ST18: variants seen among roughly 807,000 people sequenced by gnomAD.
ST18 encodes the protein ST18 C2H2C-type zinc finger transcription factor, also known as suppression of tumorigenicity 18 protein.
In ST18, 50 loss-of-function variants were observed where a neutral mutation model predicts 110.0. That is an observed-to-expected ratio of 0.45 (90% CI 0.36 to 0.58). The LOEUF (loss-of-function observed/expected upper bound fraction) is 0.58. ST18 is among the 20% of genes least tolerant of loss of function. The probability of loss-of-function intolerance (pLI) is 0.00; values close to 1 mark genes in which losing one functional copy is unlikely to be tolerated. For synonymous variants in ST18, 461 were observed against 452.4 expected, an observed-to-expected ratio of 1.02 and a Z score of -0.24; for missense variants, 1,306 against 1,280.1, an observed-to-expected ratio of 1.02 and a Z score of -0.31.
chr8:52,380,784 G>A (rs1013706856), intron 2 of ST18, among the ~76,000 whole-genome samples: 4 of 152,086 alleles, frequency 2.6e-5, no homozygotes, highest in Non-Finnish European at 4.4e-5. Context: ...AGACCCTAAC[G>A]TTGTGGTTTT....
chr8:52,397,109 T>C (rs1182070530), intron 2 of ST18, among the ~76,000 whole-genome samples: 1 of 152,214 alleles, frequency 6.6e-6, no homozygotes, highest in Non-Finnish European at 1.5e-5. Flanking sequence ...AACAGTGTAC[T>C]GTGGTTCCCT....
At chr8:52,393,160 T>C (rs1182212833) in intron 2 of ST18, among the ~76,000 whole-genome samples, 2 of 152,168 alleles carry the variant, frequency 1.3e-5, no homozygotes, top group Admixed American at 1.3e-4. Context: ...AACCCCACTT[T>C]CTGCTTACTC....
chr8:52,133,741 G>A (rs980017611), intron 19 of ST18, among the ~76,000 whole-genome samples: 4 of 142,074 alleles, frequency 2.8e-5, no homozygotes, highest in African/African-American at 1.2e-4. Flanking sequence ...TATTATTATT[G>A]TTATTATTGA....
At chr8:52,194,155 T>C (rs922291388) in intron 8 of ST18, among the ~76,000 whole-genome samples, 1 of 152,098 alleles carries the variant, frequency 6.6e-6, no homozygotes, top group South Asian at 2.1e-4. Flanking sequence ...ATTTTTTTCA[T>C]AAAATAACCA....
rs536342308 is a variant in ST18, at chr8:52,358,622, C to A, written c.-465+50706G>T. Among the ~76,000 whole-genome samples the A allele has an allele frequency of 5.9e-5, 9 of 151,688 alleles. No individual in the cohort carries two copies. In the East Asian group the frequency reaches 1.6e-3, roughly 26 times the overall value. ...AATGAAATGGAAACATTTCTAGAAA[C>A]ACACTAACTACCAAAACTGACTCGA... is the stretch of plus-strand genomic sequence containing the variant. On this transcript the variant is annotated intron_variant, in intron 2 of 25. Transcript: ENST00000689386.
At chr8:52,340,214 TACA>T (rs748462089) in intron 2 of ST18, among the ~76,000 whole-genome samples, 32 of 152,278 alleles carry the variant, frequency 2.1e-4, no homozygotes, top group Non-Finnish European at 4.4e-4. Flanking sequence ...AAGAAAGAGT[TACA>T]ACATTATTCC....
At chr8:52,263,743 CTTT>C (rs755461916) in intron 2 of ST18, among the ~76,000 whole-genome samples, 20,847 of 93,586 alleles carry the variant, frequency 0.22, 1,396 homozygotes, top group Middle Eastern at 0.32. Flanking sequence ...CAGTGCCTGG[CTTT>C]TTTTTTTTTT....
intron 2 of ST18, among the ~76,000 whole-genome samples, chr8:52,322,055 T>C (rs1329918780): frequency 6.6e-6 from 1 of 152,236 alleles, no homozygotes; most frequent in Non-Finnish European, 1.5e-5. Context: ...TTCTGTACAA[T>C]ACAATGCTGC....
intron 2 of ST18, among the ~76,000 whole-genome samples, chr8:52,271,573 G>A (rs569138750): frequency 3.3e-4 from 50 of 152,286 alleles, no homozygotes; most frequent in Admixed American, 2.1e-3. Context: ...GAGTACCCAC[G>A]TAGTTTATAA....
chr8:52,160,792 A>G (rs938535124), intron 14 of ST18, among the ~76,000 whole-genome samples: 1 of 152,182 alleles, frequency 6.6e-6, no homozygotes, highest in African/African-American at 2.4e-5. Context: ...AAAGAATATT[A>G]ATGTATTTTA....
At chr8:52,302,663 A>AAT (rs939023908) in intron 2 of ST18, among the ~76,000 whole-genome samples, 2 of 152,200 alleles carry the variant, frequency 1.3e-5, no homozygotes, top group African/African-American at 4.8e-5. Context: ...AAATTATGGG[A>AAT]ATATATCAAA....
intron 2 of ST18, among the ~76,000 whole-genome samples, chr8:52,275,248 G>C (rs1443190721): frequency 6.6e-6 from 1 of 152,148 alleles, no homozygotes; most frequent in Non-Finnish European, 1.5e-5. Context: ...AACTACGTGA[G>C]TAAATAAAAA....
chr8:52,310,661 T>G (rs2095889791), intron 2 of ST18, among the ~76,000 whole-genome samples: 1 of 152,206 alleles, frequency 6.6e-6, no homozygotes, highest in Non-Finnish European at 1.5e-5. Context: ...TGGCTCCTAT[T>G]CCAGGGCTAC....
rs1418921072 is a variant in ST18 at position 52,116,196 on chromosome 8, G to A, written c.3003+79C>T. ...TCACAGGTCTCCTCAAAGCTCAGTCGTGGCAACCCCGTGGGTAGATGCATG... is the reference window on the plus strand; with the variant it reads ...TCACAGGTCTCCTCAAAGCTCAGTCATGGCAACCCCGTGGGTAGATGCATG... On this transcript the variant is annotated intron_variant, in intron 25 of 25. Transcript: ENST00000689386. The A allele has an allele frequency of 2.7e-5, 41 of 1,528,138 alleles. 1 individual carries two copies. The highest frequency in any genetic ancestry group is 4.1e-4 in the Middle Eastern group (2 of 4,856). The allele number at this position is 1,528,138 out of a possible 1,614,324, so 94.7% of individuals were successfully genotyped here. A position where few individuals can be genotyped will look rare whatever the true frequency, so the allele number is the denominator to read the frequency against.
intron 2 of ST18, among the ~76,000 whole-genome samples, chr8:52,269,262 A>C (rs1245752635): frequency 1.3e-5 from 2 of 152,188 alleles, no homozygotes; most frequent in African/African-American, 4.8e-5. Context: ...TGTTGCAGAG[A>C]TAAATGGGTG....
chr8:52,132,126 G>A lies in ST18; in HGVS notation c.2498C>T (p.Ser833Leu). The A allele has an allele frequency of 6.2e-7, 1 of 1,614,066 alleles. No individual in the cohort carries two copies. The highest frequency in any genetic ancestry group is 1.7e-5 in the Admixed American group (1 of 60,008). ...AGGACAGCCAGAAGCTGTGCGGTGT[G>A]ATGTGTATTTACCTGATATGTGACC... ...GQGHISGKYT[S>L]HRTASGCPLA... Residue 833 changes from serine (S) to leucine (L), a missense_variant, in exon 22 of 26, where the codon TCA becomes TTA. Ser to Leu is a moderately radical substitution (Grantham distance 145). Transcript: ENST00000689386.
intron 2 of ST18, among the ~76,000 whole-genome samples, chr8:52,320,090 A>ATC (rs1564487782): frequency 6.8e-4 from 104 of 152,324 alleles, no homozygotes; most frequent in African/African-American, 2.4e-3. Flanking sequence ...TTGGGCCTAT[A>ATC]TTTTAAAATC....
At chr8:52,133,328 G>GC (rs775093090) in intron 19 of ST18, 27 bp from the exon 20 acceptor site, 1 of 1,613,990 alleles carries the variant, frequency 6.2e-7, no homozygotes, top group South Asian at 1.1e-5. Context: ...GAGAGCATGG[G>GC]CTGAGAAGTT....
intron 23 of ST18, among the ~76,000 whole-genome samples, chr8:52,123,193 T>G (rs1218477529): frequency 6.6e-6 from 1 of 152,220 alleles, no homozygotes; most frequent in East Asian, 1.9e-4. Flanking sequence ...TTTTTTGATA[T>G]AGACCTTCCA....
Sources: allele counts gnomAD v4.1 joint callset (sites outside exome capture counted in the v4.1 genomes callset), GRCh38; gene constraint gnomAD v4.1.1; transcripts MANE v1.5; gene names NCBI Gene and HGNC (gene_info 2026-07-23, HGNC 2026-07-21).